ABCC3: variants seen among roughly 807,000 people sequenced by gnomAD.
The protein encoded by ABCC3 is ATP binding cassette subfamily C member 3.
In ABCC3, 121 loss-of-function variants were observed where a neutral mutation model predicts 165.3. The observed-to-expected ratio is 0.73, with a 90% confidence interval of 0.63 to 0.85. The LOEUF (loss-of-function observed/expected upper bound fraction) is 0.85, where lower values mean the gene tolerates loss of function less well. ABCC3 is among the 40% of genes least tolerant of loss of function. The pLI is 0.00. For missense variants in ABCC3, 1,869 were observed against 1,964.1 expected (o/e 0.95, Z 0.92); for synonymous variants, 733 against 810.1 (o/e 0.90, Z 1.62).
At position 50,675,977 on chromosome 17, in the gene ABCC3, C is replaced by T; in HGVS notation, c.2954C>T (p.Ala985Val). The T allele has an allele frequency of 6.2e-7, 1 of 1,614,180 alleles. No homozygotes were observed. The highest frequency in any genetic ancestry group is 1.1e-5 in the South Asian group (1 of 91,074). The change falls in exon 22 of 31, where the codon GCC (alanine) becomes GTC (valine). Residue 985 changes from alanine to valine, a missense_variant. By Grantham distance (64) the Ala-to-Val change is moderately conservative. Coordinates refer to ENST00000285238, the MANE Select transcript of ABCC3 (RefSeq NM_003786.4). ...CTGTATGTGGGTCAAAGTGCGGCTG[C>T]CATTGGAGCCAATGTGTGGCTCAGT... ...CLLYVGQSAA[A>V]IGANVWLSAW...
intron 17 of ABCC3, among the ~76,000 whole-genome samples, chr17:50,672,389 A>G (rs1266949849): frequency 2.0e-5 from 3 of 152,244 alleles, no homozygotes; most frequent in Non-Finnish European, 4.4e-5. Flanking sequence ...TTATAGGTAT[A>G]TACACATTTG....
intron 17 of ABCC3, among the ~76,000 whole-genome samples, chr17:50,671,777 A>C (rs1032052545): frequency 8.9e-5 from 12 of 135,356 alleles, no homozygotes; most frequent in African/African-American, 3.3e-4. Flanking sequence ...ATTGGAGTAC[A>C]GCGGCGTGAT....
rs190026262 is a variant in ABCC3 at position 50,656,840 on chromosome 17, C to T, written c.348+13C>T. Reference sequence around the variant, plus strand: ...GGGGGTCACCATGGTCAGTGTGGGGCCCTGGGAAAGTGGATGGGGGAGGTC... The same window carrying T: ...GGGGGTCACCATGGTCAGTGTGGGGTCCTGGGAAAGTGGATGGGGGAGGTC... On this transcript the variant is annotated intron_variant, in intron 3 of 30. Coordinates refer to ENST00000285238, the MANE Select transcript of ABCC3 (RefSeq NM_003786.4). The T allele has an allele frequency of 5.0e-6, 8 of 1,595,464 alleles. No individual in the cohort carries two copies. The Admixed American group carries it at 5.3e-5, about 11-fold the overall frequency.
chr17:50,672,051 A>G (rs1967659219), intron 17 of ABCC3, among the ~76,000 whole-genome samples: 1 of 151,932 alleles, frequency 6.6e-6, no homozygotes, highest in Admixed American at 6.6e-5. Context: ...TTATAAAGCC[A>G]CCGGTCCCAC....
intron 1 of ABCC3, 123 bp downstream of exon 1, chr17:50,635,104 T>C: frequency 1.8e-6 from 2 of 1,106,366 alleles, no homozygotes; most frequent in Non-Finnish European, 2.3e-6. Context: ...TGAGACGGCC[T>C]GGGCGCCCGG....
intron 1 of ABCC3, among the ~76,000 whole-genome samples, chr17:50,639,846 C>T (rs1452327492): frequency 6.6e-6 from 1 of 151,980 alleles, no homozygotes; most frequent in Non-Finnish European, 1.5e-5. Context: ...TCACTGCAAC[C>T]TCCACCTCCC....
intron 1 of ABCC3, among the ~76,000 whole-genome samples, chr17:50,643,825 AG>A (rs1210408491): frequency 2.0e-5 from 3 of 150,330 alleles, no homozygotes; most frequent in African/African-American, 7.5e-5. Context: ...GCAATGGGAA[AG>A]GAGGTGGGAG....
At chr17:50,647,112 C>T (rs948226525) in intron 1 of ABCC3, among the ~76,000 whole-genome samples, 1 of 152,128 alleles carries the variant, frequency 6.6e-6, no homozygotes, top group Non-Finnish European at 1.5e-5. Context: ...CTCCTGACCT[C>T]GTGATCTTCC....
intron 11 of ABCC3, among the ~76,000 whole-genome samples, chr17:50,666,735 CATAGTAGGCACTCCATAA>C (rs1205923946): frequency 6.6e-6 from 1 of 152,224 alleles, no homozygotes; most frequent in Non-Finnish European, 1.5e-5. Context: ...TGGCCTGGCA[CATAGTAGGCACTCCATAA>C]ATAGGGGTTG....
At chr17:50,668,313 C>A in intron 13 of ABCC3, 117 bp from the exon 14 acceptor site, 1 of 825,134 alleles carries the variant, frequency 1.2e-6, no homozygotes, top group Non-Finnish European at 2.0e-6. Context: ...GACCCCAGTG[C>A]TAGTGTCTGG....
chr17:50,669,644 C>G, intron 17 of ABCC3, 116 bp downstream of exon 17: 1 of 1,108,800 alleles, frequency 9.0e-7, no homozygotes, highest in Non-Finnish European at 1.3e-6. Context: ...TTATGCCCAA[C>G]TCTGTGCCAG....
In ABCC3 at chr17:50,690,874, G is replaced by A. The variant is rs141987145; in HGVS notation, c.4476-218G>A. On this transcript the variant is annotated intron_variant, in intron 30 of 30. Transcript: ENST00000285238. ...GAGCCCTGACTAGCAGAGATGAATAGGACCTTGTGTTTGATCCCAGAAACT... is the reference window on the plus strand; with the variant it reads ...GAGCCCTGACTAGCAGAGATGAATAAGACCTTGTGTTTGATCCCAGAAACT... 2.2e-3 allele frequency among the ~76,000 whole-genome samples: 332 copies of A among 152,356 alleles called. 1 individual carries two copies. The highest frequency in any genetic ancestry group is 7.8e-3 in the African/African-American group (325 of 41,576).
At chr17:50,687,799 C>A (rs1291862022) in intron 30 of ABCC3, 69 bp downstream of exon 30, 4 of 1,472,868 alleles carry the variant, frequency 2.7e-6, no homozygotes, top group African/African-American at 1.4e-5. Flanking sequence ...ATGGGCAGGG[C>A]AGATTAGGGT....
rs200076202 is a variant in ABCC3 at position 50,669,499 on chromosome 17, G to A, written c.2212G>A (p.Gly738Ser). The A allele has an allele frequency of 6.2e-7, 1 of 1,614,220 alleles. No individual in the cohort carries two copies. The highest frequency in any genetic ancestry group is 8.5e-7 in the Non-Finnish European group (1 of 1,180,038). ...GCTAGCTGACCTGGAGATGCTGCCTGGTGGGGATCAGACAGAGATTGGAGA... is the reference window on the plus strand; with the variant it reads ...GCTAGCTGACCTGGAGATGCTGCCTAGTGGGGATCAGACAGAGATTGGAGA... Reference protein sequence around the residue: ...ALLADLEMLPGGDQTEIGEKG... With the variant: ...ALLADLEMLPSGDQTEIGEKG... Residue 738 changes from glycine to serine, a missense_variant, in exon 17 of 31, where the codon GGT (glycine) becomes AGT (serine). Physicochemically the swap from Gly to Ser is moderately conservative, Grantham distance 56. Transcript: ENST00000285238.
In ABCC3 at chr17:50,663,811, A is replaced by T; in HGVS notation, c.1129A>T (p.Thr377Ser). 1 of 1,614,102 alleles carries T rather than the reference A, an allele frequency of 6.2e-7. No individual in the cohort carries two copies. Among genetic ancestry groups the T allele is most frequent in the Non-Finnish European group, 8.5e-7 (1 of 1,180,020 alleles). The change falls in exon 9 of 31, where the codon ACT (threonine) becomes TCT (serine). Residue 377 changes from threonine (T) to serine (S), a missense_variant. Thr to Ser is a moderately conservative substitution (Grantham distance 58). Coordinates refer to ENST00000285238, the MANE Select transcript of ABCC3 (RefSeq NM_003786.4). Reference protein sequence around the residue: ...LQHYYHYIFVTGVKFRTGIMG... With the variant: ...LQHYYHYIFVSGVKFRTGIMG... ...ACACTATTACCACTACATCTTTGTG[A>T]CTGGGGTGAAGTTTCGTACTGGGAT...
chr17:50,656,946 G>C (rs1300368625), intron 3 of ABCC3, 100 bp from the exon 4 acceptor site: 2 of 1,550,760 alleles, frequency 1.3e-6, no homozygotes, highest in Admixed American at 3.9e-5. Context: ...GAAGAAGAAG[G>C]GGGTGGCCCC....
chr17:50,683,781 C>A, intron 27 of ABCC3, 25 bp downstream of exon 27: 1 of 1,593,618 alleles, frequency 6.3e-7, no homozygotes. Context: ...GGCGGGCCTG[C>A]GTGTGTGTTC....
chr17:50,690,923 A>G (rs1206096314), intron 30 of ABCC3, among the ~76,000 whole-genome samples, 169 bp from the exon 31 acceptor site: 1 of 152,222 alleles, frequency 6.6e-6, no homozygotes, highest in Non-Finnish European at 1.5e-5. Flanking sequence ...GAACTAACAG[A>G]ATGGCTAAAA....
chr17:50,690,714 G>A (rs927633379), intron 30 of ABCC3, among the ~76,000 whole-genome samples: 24 of 152,186 alleles, frequency 1.6e-4, no homozygotes, highest in African/African-American at 3.9e-4. Flanking sequence ...GTTTCCTGCC[G>A]TGTGCTTTTG....
Sources: gnomAD v4.1 joint callset for allele counts (sites outside exome capture counted in the v4.1 genomes callset) on GRCh38, gnomAD v4.1.1 for gene constraint, MANE v1.5 for transcripts, NCBI Gene and HGNC (gene_info 2026-07-23, HGNC 2026-07-21) for gene names.